Variants in IFI16 observed in about 807,000 individuals in gnomAD.
IFI16 encodes the protein gamma-interferon-inducible protein 16.
A neutral mutation model predicts 68.4 loss-of-function variants in IFI16; 49 were observed. The observed-to-expected ratio is 0.72, with a 90% confidence interval of 0.57 to 0.91. IFI16 has a LOEUF of 0.91. IFI16 is among the 40% of genes least tolerant of loss of function. IFI16 has a pLI of 0.00. For missense variants in IFI16, 878 were observed against 942.9 expected, an observed-to-expected ratio of 0.93 and a Z score of 0.90; for synonymous variants, 307 against 315.0, an observed-to-expected ratio of 0.97 and a Z score of 0.27.
At chr1:159,025,415 G>A (rs950256508) in intron 6 of IFI16, among the ~76,000 whole-genome samples, 21 of 151,944 alleles carry the variant, frequency 1.4e-4, no homozygotes, top group Admixed American at 3.3e-4. Context: ...ATATTAATGT[G>A]CTATTAATGT....
intron 7 of IFI16, among the ~76,000 whole-genome samples, chr1:159,032,947 T>C (rs189557343): frequency 6.4e-4 from 97 of 152,076 alleles, no homozygotes; most frequent in African/African-American, 2.3e-3. Flanking sequence ...GCTCCAGTTG[T>C]AGAGAGGGTA....
In IFI16 at chr1:159,032,776, A is replaced by G. The variant is rs1175051290; in HGVS notation, c.1329+85A>G. 3.0e-6 allele frequency: 3 copies of G among 988,794 alleles called. No homozygotes were observed. In the African/African-American group the frequency reaches 5.5e-5, roughly 18 times the overall value. 61.3% of individuals were successfully genotyped at this position (988,794 alleles called of 1,614,324 possible). A position where few individuals can be genotyped will look rare whatever the true frequency, so the allele number is the denominator to read the frequency against. On this transcript the variant is annotated intron_variant, in intron 7 of 11. Transcript: ENST00000295809. Reference sequence around the variant, plus strand: ...GACTGTTGAAAGAGCTACTGCTGTAATCTCTGTGAATGGATTGGTACAATC... The same window carrying G: ...GACTGTTGAAAGAGCTACTGCTGTAGTCTCTGTGAATGGATTGGTACAATC...
chr1:159,025,657 C>T (rs1479421657), intron 6 of IFI16, among the ~76,000 whole-genome samples: 2 of 152,206 alleles, frequency 1.3e-5, no homozygotes, highest in African/African-American at 4.8e-5. Context: ...CCTTGCTACG[C>T]AGAAGCTTTT....
chr1:159,036,922 GT>G (rs960379331), intron 7 of IFI16, among the ~76,000 whole-genome samples: 5 of 152,264 alleles, frequency 3.3e-5, no homozygotes, highest in African/African-American at 1.2e-4. Flanking sequence ...AATTTTTCAT[GT>G]TGTTTTGTTG....
At chr1:159,026,031 T>C (rs1193132039) in intron 6 of IFI16, among the ~76,000 whole-genome samples, 1 of 152,216 alleles carries the variant, frequency 6.6e-6, no homozygotes, top group Non-Finnish European at 1.5e-5. Flanking sequence ...TTGGTCTATA[T>C]GCCTATTTTT....
Position 159,018,607 on chromosome 1 carries a change from C to A in IFI16, c.928C>A (p.Gln310Lys), listed in dbSNP as rs1312069913. ...ETLKIDILHKQASGNIVYGVF... is the reference protein window; with the variant it reads ...ETLKIDILHKKASGNIVYGVF... Reference sequence around the variant, plus strand: ...TCTGAAGATTGATATTCTTCACAAACAAGCTTCAGGAAATATTGTATATGG... The same window carrying A: ...TCTGAAGATTGATATTCTTCACAAAAAAGCTTCAGGAAATATTGTATATGG... Residue 310 changes from glutamine to lysine, a missense_variant, in exon 5 of 12, where the codon CAA (glutamine) becomes AAA (lysine). Around this residue, in one of 4 missense-constraint regions of IFI16, gnomAD observed 443 missense variants for 421.8 expected, o/e 1.05. Transcript: ENST00000295809. The A allele has an allele frequency of 1.2e-6, 2 of 1,613,220 alleles. No individual in the cohort carries two copies. Among genetic ancestry groups the A allele is most frequent in the Non-Finnish European group, 1.7e-6 (2 of 1,179,586 alleles).
chr1:159,044,352 G>C (rs1173586210), intron 7 of IFI16, among the ~76,000 whole-genome samples: 1 of 151,588 alleles, frequency 6.6e-6, no homozygotes, highest in Admixed American at 6.6e-5. Flanking sequence ...ATGTTAAAAT[G>C]TCTGCAGTTT....
At chr1:159,043,526 A>T (rs529904163) in intron 7 of IFI16, among the ~76,000 whole-genome samples, 5,329 of 152,234 alleles carry the variant, frequency 0.035, 108 homozygotes, top group Non-Finnish European at 0.046. Flanking sequence ...GCCTGCAAAA[A>T]TGGTGTCTGA....
At position 159,044,835 on chromosome 1, in the gene IFI16, A is replaced by G. The variant is rs1327700666; in HGVS notation, c.1330-462A>G. ...TTGAGAGAATCTTCTTATTATGGCT[A>G]TGATCAGAGATCCCTAAAGGATGGA... On this transcript the variant is annotated intron_variant, in intron 7 of 11. Transcript: ENST00000295809. Among the ~76,000 whole-genome samples the G allele has an allele frequency of 3.9e-5, 6 of 152,154 alleles. No homozygotes were observed. In the East Asian group the frequency reaches 1.2e-3, roughly 29 times the overall value.
intron 7 of IFI16, among the ~76,000 whole-genome samples, chr1:159,035,007 CT>C (rs1418991988): frequency 1.3e-5 from 2 of 152,162 alleles, no homozygotes; most frequent in South Asian, 2.1e-4. Context: ...GGGCAGGAAA[CT>C]TGGAGGAAAA....
At position 159,014,825 on chromosome 1, in the gene IFI16, GCTGA is replaced by G; in HGVS notation, c.148_151del (p.Asp50Ter). On this transcript the variant is annotated frameshift_variant, in exon 2 of 12. Transcript: ENST00000295809. LOFTEE classifies it high-confidence loss of function. ...AGAAGAGTATGACAAAATTCAGATTGCTGACTTGATGGAAGAAAAGTTCCGAGGT... is the reference window on the plus strand; with the variant it reads ...AGAAGAGTATGACAAAATTCAGATTGCTTGATGGAAGAAAAGTTCCGAGGT... The G allele has an allele frequency of 6.2e-7, 1 of 1,614,094 alleles. No individual in the cohort carries two copies. The highest frequency in any genetic ancestry group is 8.5e-7 in the Non-Finnish European group (1 of 1,179,952).
intron 7 of IFI16, among the ~76,000 whole-genome samples, chr1:159,039,732 C>A (rs998420970): frequency 6.6e-6 from 1 of 152,176 alleles, no homozygotes; most frequent in African/African-American, 2.4e-5. Flanking sequence ...CAGTTGATGA[C>A]TTCAATAGAA....
At chr1:159,024,871 C>A (rs576809162) in intron 6 of IFI16, among the ~76,000 whole-genome samples, 3 of 152,152 alleles carry the variant, frequency 2.0e-5, no homozygotes, top group East Asian at 1.9e-4. Context: ...AGTACAGTAA[C>A]CCATAATTCT....
chr1:159,020,609 GT>G (rs527947171), intron 6 of IFI16, 80 bp downstream of exon 6: 21 of 1,052,628 alleles, frequency 2.0e-5, no homozygotes, highest in South Asian at 4.7e-5. Flanking sequence ...AAGTTTGTAG[GT>G]TTTTTTTACA....
intron 7 of IFI16, among the ~76,000 whole-genome samples, chr1:159,042,515 T>C (rs576442686): frequency 2.1e-4 from 32 of 152,208 alleles, no homozygotes; most frequent in Non-Finnish European, 3.1e-4. Context: ...GGGGTTTGGA[T>C]ACTTCTTTTG....
upstream of IFI16, among the ~76,000 whole-genome samples, chr1:159,003,359 G>A (rs758122742): frequency 6.6e-6 from 1 of 152,056 alleles, no homozygotes; most frequent in Non-Finnish European, 1.5e-5. Flanking sequence ...TTTTATTCTG[G>A]CTATGTCATA....
chr1:159,047,533 C>T (rs1490474741), intron 8 of IFI16, among the ~76,000 whole-genome samples: 1 of 150,048 alleles, frequency 6.7e-6, no homozygotes, highest in African/African-American at 2.4e-5. Flanking sequence ...ACCTTGCCTG[C>T]CTAAATATGC....
chr1:159,005,252 G>A (rs1652211677), upstream of IFI16, among the ~76,000 whole-genome samples: 1 of 152,184 alleles, frequency 6.6e-6, no homozygotes, highest in East Asian at 1.9e-4. Flanking sequence ...TTCCATTACA[G>A]CAGCACTAAA....
At chr1:159,001,908 G>T (rs112654202), upstream of IFI16, among the ~76,000 whole-genome samples, 1,735 of 152,212 alleles carry the variant, frequency 0.011, 31 homozygotes, top group African/African-American at 0.04. Flanking sequence ...ATGTCCCAGG[G>T]GTGTACACAC....
Sources: gnomAD v4.1 joint callset for allele counts (sites outside exome capture counted in the v4.1 genomes callset) on GRCh38, gnomAD v4.1.1 for gene constraint, gnomAD v4.1.1 regional missense constraint, MANE v1.5 for transcripts, NCBI Gene and HGNC (gene_info 2026-07-23, HGNC 2026-07-21) for gene names.